Variants in CTNNA2 observed in about 807,000 individuals in gnomAD.
The protein encoded by CTNNA2 is catenin alpha 2.
Under a neutral mutation model 101.0 loss-of-function variants are expected in CTNNA2, and 42 were observed. The ratio of observed to expected loss-of-function variants is 0.42; its 90% CI spans 0.32 to 0.54. The LOEUF is 0.54. CTNNA2 is among the 20% of genes least tolerant of loss of function. The pLI, the probability that CTNNA2 is intolerant of heterozygous loss-of-function variation, is 0.14. For synonymous variants in CTNNA2, 450 were observed against 456.4 expected (o/e 0.99, Z 0.18); for missense variants, 871 against 1,223.1 (o/e 0.71, Z 4.29).
chr2:79,707,136 G>C (rs1042238693), intron 2 of CTNNA2, among the ~76,000 whole-genome samples: 7 of 152,124 alleles, frequency 4.6e-5, no homozygotes, highest in Non-Finnish European at 1.0e-4. Flanking sequence ...CTTTCACCTG[G>C]CTCAGCAACA....
intron 1 of CTNNA2, among the ~76,000 whole-genome samples, chr2:79,620,235 C>G (rs1573494485): frequency 6.6e-6 from 1 of 152,204 alleles, no homozygotes; most frequent in East Asian, 1.9e-4. Flanking sequence ...CCCACCAGCT[C>G]TCCAACTGCC....
intron 2 of CTNNA2, among the ~76,000 whole-genome samples, chr2:79,716,770 A>C (rs1417322760): frequency 6.6e-6 from 1 of 152,172 alleles, no homozygotes; most frequent in Admixed American, 6.5e-5. Context: ...GACTTAGCCA[A>C]TAGTTGCAAG....
intron 7 of CTNNA2, among the ~76,000 whole-genome samples, chr2:80,063,712 A>T (rs995325748): frequency 6.6e-6 from 1 of 152,268 alleles, no homozygotes; most frequent in African/African-American, 2.4e-5. Flanking sequence ...TGTATCTTAC[A>T]GCATTGATAA....
intron 9 of CTNNA2, among the ~76,000 whole-genome samples, chr2:80,434,413 T>C (rs1446331902): frequency 6.6e-6 from 1 of 152,002 alleles, no homozygotes; most frequent in Admixed American, 6.6e-5. Flanking sequence ...TGCTTGATGA[T>C]CATGACTTCG....
At chr2:80,548,604 C>T (rs759532985) in intron 11 of CTNNA2, among the ~76,000 whole-genome samples, 7 of 152,188 alleles carry the variant, frequency 4.6e-5, no homozygotes, top group African/African-American at 7.2e-5. Context: ...ACAAGTGCCA[C>T]GGCATGCCAT....
At chr2:80,574,395 A>C (rs1694864994) in intron 13 of CTNNA2, 81 bp downstream of exon 13, 1 of 1,416,116 alleles carries the variant, frequency 7.1e-7, no homozygotes, top group Non-Finnish European at 9.4e-7. Context: ...TTTATTATTT[A>C]TTTTGTAATT....
intron 13 of CTNNA2, 132 bp downstream of exon 13, chr2:80,574,446 C>G (rs1022712285): frequency 9.2e-7 from 1 of 1,091,460 alleles, no homozygotes; most frequent in Non-Finnish European, 1.2e-6. Context: ...CCTTATTAGT[C>G]AGACAAGGTG....
intron 2 of CTNNA2, among the ~76,000 whole-genome samples, chr2:79,222,087 G>T (rs757621066): frequency 1.3e-5 from 2 of 152,154 alleles, no homozygotes; most frequent in Admixed American, 6.5e-5. Context: ...CTCAGAACTG[G>T]CTGTGTTCAG....
At position 79,831,538 on chromosome 2, in the gene CTNNA2, A is replaced by C. The variant is rs75689005; in HGVS notation, c.299-26475A>C. Among the ~76,000 whole-genome samples, 679 of 152,130 alleles carry C rather than the reference A, an allele frequency of 4.5e-3. 4 individuals carry two copies. The highest frequency in any genetic ancestry group is 0.014 in the African/African-American group (596 of 41,510). ...GCTTAAGAATCATTGACTCCTTCCC[A>C]CAATTTTGCCTTAATACAATTTAAC... On this transcript the variant is annotated intron_variant, in intron 3 of 18. Transcript: ENST00000402739.
chr2:80,637,613 G>C (rs763176157), intron 18 of CTNNA2, among the ~76,000 whole-genome samples: 5 of 152,098 alleles, frequency 3.3e-5, no homozygotes, highest in African/African-American at 9.7e-5. Context: ...CCTGGACCTC[G>C]GTAGCAACAG....
At chr2:79,536,192 C>T (rs1332591605) in intron 1 of CTNNA2, among the ~76,000 whole-genome samples, 1 of 152,214 alleles carries the variant, frequency 6.6e-6, no homozygotes, top group East Asian at 1.9e-4. Context: ...TTGCCAGCCT[C>T]ACTTTCCCAA....
At chr2:80,225,654 T>A (rs139181542) in intron 7 of CTNNA2, among the ~76,000 whole-genome samples, 1,788 of 152,304 alleles carry the variant, frequency 0.012, 33 homozygotes, top group African/African-American at 0.04. Context: ...GAATAGCATA[T>A]AATGGTTCTG....
At chr2:80,131,722 A>G (rs1327176061) in intron 7 of CTNNA2, among the ~76,000 whole-genome samples, 1 of 152,158 alleles carries the variant, frequency 6.6e-6, no homozygotes, top group Admixed American at 6.5e-5. Context: ...ACTTGTACAT[A>G]CATTCTCTCA....
intron 7 of CTNNA2, among the ~76,000 whole-genome samples, chr2:80,190,725 A>G (rs563344102): frequency 3.9e-5 from 6 of 152,094 alleles, no homozygotes; most frequent in African/African-American, 7.2e-5. Context: ...CCTGGCTTCT[A>G]TGGTTTCTGG....
At position 80,073,742 on chromosome 2, in the gene CTNNA2, A is replaced by G. The variant is rs867935227; in HGVS notation, c.1056+163945A>G. Among the ~76,000 whole-genome samples, 848 of 136,388 alleles carry G rather than the reference A, an allele frequency of 6.2e-3. 10 individuals are homozygous for G. Among genetic ancestry groups the G allele is most frequent in the African/African-American group, 0.021 (810 of 37,912 alleles). The allele number at this position is 136,388 out of a possible 152,430, so 89.5% of individuals were successfully genotyped here. A position where few individuals can be genotyped will look rare whatever the true frequency, so the allele number is the denominator to read the frequency against. ...CTCTCTCTCTCTGTCACACACACAC[A>G]CACACACACACACACACACACACAC... is the stretch of plus-strand genomic sequence containing the variant. On this transcript the variant is annotated intron_variant, in intron 7 of 18. Transcript: ENST00000402739.
chr2:80,021,266 C>T lies in CTNNA2; in HGVS notation c.1056+111469C>T, dbSNP rs139969406. On this transcript the variant is annotated intron_variant, in intron 7 of 18. Coordinates refer to ENST00000402739, the MANE Select transcript of CTNNA2 (RefSeq NM_001282597.3). ...AACTCTTGAGCTCAAGCAATCCTCC[C>T]GCCTCAGCCTCCCAAAGTGCTGGGA... 3.1e-3 allele frequency among the ~76,000 whole-genome samples: 466 copies of T among 152,114 alleles called. 4 individuals carry two copies. The highest frequency in any genetic ancestry group is 0.01 in the African/African-American group (428 of 41,512).
intron 3 of CTNNA2, among the ~76,000 whole-genome samples, chr2:79,766,722 C>A: frequency 6.6e-6 from 1 of 151,838 alleles, no homozygotes; most frequent in Non-Finnish European, 1.5e-5. Flanking sequence ...GATTTTCATT[C>A]TTTTTTCTTT....
intron 15 of CTNNA2, among the ~76,000 whole-genome samples, chr2:80,590,494 G>A (rs1013047672): frequency 6.6e-6 from 1 of 151,822 alleles, no homozygotes; most frequent in Non-Finnish European, 1.5e-5. Flanking sequence ...CGTGGCATTT[G>A]TTATTGAAAT....
At chr2:79,588,087 G>T (rs1374488708) in intron 1 of CTNNA2, among the ~76,000 whole-genome samples, 3 of 152,174 alleles carry the variant, frequency 2.0e-5, no homozygotes, top group Admixed American at 6.5e-5. Flanking sequence ...CAGGAAGATT[G>T]TTTCAGGCCA....
Sources: gnomAD v4.1 joint callset for allele counts (sites outside exome capture counted in the v4.1 genomes callset) on GRCh38, gnomAD v4.1.1 for gene constraint, MANE v1.5 for transcripts, NCBI Gene and HGNC (gene_info 2026-07-23, HGNC 2026-07-21) for gene names.